Variants in TMEM117 observed in about 807,000 individuals in gnomAD.
TMEM117 encodes the protein transmembrane protein 117.
In TMEM117, 27 loss-of-function variants were observed where a neutral mutation model predicts 52.4. The observed-to-expected ratio is 0.51, with a 90% CI of 0.38 to 0.71. The LOEUF (loss-of-function observed/expected upper bound fraction) is 0.71. TMEM117 is among the 30% of genes least tolerant of loss of function. TMEM117 has a pLI of 0.00. For synonymous variants in TMEM117, 215 were observed against 206.3 expected, an observed-to-expected ratio of 1.04 and a Z score of -0.36; for missense variants, 556 against 630.5, an observed-to-expected ratio of 0.88 and a Z score of 1.26.
At chr12:43,892,314 C>T (rs1944121891) in intron 2 of TMEM117, among the ~76,000 whole-genome samples, 1 of 152,152 alleles carries the variant, frequency 6.6e-6, no homozygotes, top group Non-Finnish European at 1.5e-5. Context: ...GGAAATGTTG[C>T]CAACCAGGAA....
chr12:44,110,126 C>G (rs1432634257), intron 3 of TMEM117, among the ~76,000 whole-genome samples: 1 of 67,372 alleles, frequency 1.5e-5, no homozygotes, highest in African/African-American at 8.2e-5. Flanking sequence ...ATGGGGTTTT[C>G]TAGATAAACA....
At chr12:43,954,020 A>G (rs560552541) in intron 3 of TMEM117, among the ~76,000 whole-genome samples, 9 of 152,332 alleles carry the variant, frequency 5.9e-5, no homozygotes, top group African/African-American at 2.2e-4. Flanking sequence ...CCACACAACT[A>G]CATGGAAATT....
At chr12:43,869,049 G>A (rs1199159752) in intron 2 of TMEM117, among the ~76,000 whole-genome samples, 1 of 151,998 alleles carries the variant, frequency 6.6e-6, no homozygotes, top group African/African-American at 2.4e-5. Flanking sequence ...AAAGTACAGG[G>A]AATGCCAGTT....
intron 4 of TMEM117, among the ~76,000 whole-genome samples, chr12:44,167,514 A>G (rs1345628698): frequency 6.6e-6 from 1 of 151,986 alleles, no homozygotes; most frequent in Non-Finnish European, 1.5e-5. Context: ...TAAAAATACA[A>G]AAAATTAGCT....
At chr12:43,898,050 A>ACG (rs1166963792) in intron 2 of TMEM117, among the ~76,000 whole-genome samples, 18 of 119,138 alleles carry the variant, frequency 1.5e-4, no homozygotes, top group African/African-American at 2.6e-4. Flanking sequence ...ACACGCACGC[A>ACG]CACACACACA....
At chr12:44,010,023 CTATT>C in intron 3 of TMEM117, 1 of 353,698 alleles carries the variant, frequency 2.8e-6, no homozygotes, top group South Asian at 2.3e-5. Flanking sequence ...CCGAGATACT[CTATT>C]TATGTGGTGT....
At chr12:43,916,319 A>G (rs941323390) in intron 2 of TMEM117, among the ~76,000 whole-genome samples, 1 of 152,176 alleles carries the variant, frequency 6.6e-6, no homozygotes, top group African/African-American at 2.4e-5. Context: ...GAATTTAGAA[A>G]ATGTAGCAAA....
chr12:43,815,339 C>A, the TMEM117 span, among the ~76,000 whole-genome samples: 1 of 152,146 alleles, frequency 6.6e-6, no homozygotes, highest in African/African-American at 2.4e-5. Flanking sequence ...GAATTTTAAG[C>A]CTTGTGACGA....
intron 2 of TMEM117, among the ~76,000 whole-genome samples, chr12:43,934,420 G>A (rs1459305115): frequency 6.6e-6 from 1 of 152,042 alleles, no homozygotes; most frequent in Non-Finnish European, 1.5e-5. Context: ...CAAATGGAAG[G>A]TTTATTACTG....
chr12:44,118,736 T>C (rs1295064000), intron 3 of TMEM117, among the ~76,000 whole-genome samples: 1 of 148,128 alleles, frequency 6.8e-6, no homozygotes, highest in Non-Finnish European at 1.5e-5. Flanking sequence ...GCAATTTTTC[T>C]TTAGCCTCTA....
chr12:43,829,943 C>T, the TMEM117 span, among the ~76,000 whole-genome samples: 1 of 151,518 alleles, frequency 6.6e-6, no homozygotes, highest in Admixed American at 6.6e-5. Context: ...CAAAAATTAG[C>T]TGGGCGTGGT....
At chr12:43,992,277 ATTTG>A (rs1039697141) in intron 3 of TMEM117, among the ~76,000 whole-genome samples, 21 of 151,920 alleles carry the variant, frequency 1.4e-4, no homozygotes, top group Admixed American at 1.3e-3. Context: ...AATTTAATTA[ATTTG>A]TTTAATTTAG....
intron 5 of TMEM117, among the ~76,000 whole-genome samples, chr12:44,296,027 T>C (rs1353121457): frequency 1.3e-5 from 2 of 152,210 alleles, no homozygotes; most frequent in Non-Finnish European, 2.9e-5. Flanking sequence ...GGATTGGTTT[T>C]GGGACCACAG....
At chr12:44,079,579 A>G (rs1334523743) in intron 3 of TMEM117, among the ~76,000 whole-genome samples, 2 of 152,096 alleles carry the variant, frequency 1.3e-5, no homozygotes, top group Non-Finnish European at 2.9e-5. Context: ...TTTCTTGTAA[A>G]TTTAAGTTAC....
Position 44,389,438 on chromosome 12 carries a change from C to T in TMEM117, c.*766C>T, listed in dbSNP as rs983208861. The T allele has an allele frequency of 1.0e-4, 16 of 152,458 alleles. No individual in the cohort carries two copies. The highest frequency in any genetic ancestry group is 3.9e-4 in the African/African-American group (16 of 41,414). The allele number at this position is 152,458 out of a possible 1,614,324, so 9.4% of individuals were successfully genotyped here. ...ACAAAGGTTAAGAGACACAGTTGGG[C>T]GAACTCTCAAATTTATTGGCATTTA... On this transcript the variant is annotated 3_prime_UTR_variant, in exon 8 of 8. Transcript: ENST00000266534.
the TMEM117 span, among the ~76,000 whole-genome samples, chr12:43,806,579 C>G: frequency 2.6e-5 from 4 of 152,176 alleles, no homozygotes; most frequent in African/African-American, 9.7e-5. Flanking sequence ...TGCTCTCTGA[C>G]AACCCCGCCG....
intron 2 of TMEM117, among the ~76,000 whole-genome samples, chr12:43,913,523 G>A (rs1290587457): frequency 6.6e-6 from 1 of 152,192 alleles, no homozygotes; most frequent in Non-Finnish European, 1.5e-5. Context: ...GCCTGATAGA[G>A]GGCTGGGGCT....
intron 2 of TMEM117, among the ~76,000 whole-genome samples, chr12:43,854,698 G>A (rs1277496078): frequency 2.6e-5 from 4 of 151,914 alleles, no homozygotes; most frequent in Admixed American, 2.0e-4. Flanking sequence ...GTGTGGTGGC[G>A]TGATCTCGGC....
At chr12:44,268,192 C>T (rs1194564568) in intron 5 of TMEM117, among the ~76,000 whole-genome samples, 1 of 151,464 alleles carries the variant, frequency 6.6e-6, no homozygotes, top group Non-Finnish European at 1.5e-5. Flanking sequence ...GCTTGGAGTG[C>T]AATGACGTGA....
Sources: allele counts gnomAD v4.1 joint callset (sites outside exome capture counted in the v4.1 genomes callset), GRCh38; gene constraint gnomAD v4.1.1; transcripts MANE v1.5; gene names NCBI Gene and HGNC (gene_info 2026-07-23, HGNC 2026-07-21).